PRKG1: variants seen among roughly 807,000 people sequenced by gnomAD.
PRKG1 encodes the protein protein kinase cGMP-dependent 1.
In PRKG1, 35 loss-of-function variants were observed where a neutral mutation model predicts 88.1. The observed-to-expected ratio is 0.40, with a 90% CI of 0.30 to 0.53. PRKG1 has a LOEUF of 0.53. Among genes scored for constraint, PRKG1 ranks in the 20% least tolerant of loss-of-function variants. The probability of loss-of-function intolerance (pLI) is 0.59; values close to 1 mark genes in which losing one functional copy is unlikely to be tolerated. For missense variants in PRKG1, 540 were observed against 839.8 expected (o/e 0.64, Z 4.41); for synonymous variants, 303 against 292.5 (o/e 1.04, Z -0.37).
At chr10:51,817,983 T>C (rs1437910208) in intron 4 of PRKG1, among the ~76,000 whole-genome samples, 1 of 152,172 alleles carries the variant, frequency 6.6e-6, no homozygotes, top group African/African-American at 2.4e-5. Flanking sequence ...ACTGGTATAT[T>C]CTGCTATGTT....
chr10:52,227,946 C>G (rs1257017794), intron 9 of PRKG1, among the ~76,000 whole-genome samples: 1 of 152,134 alleles, frequency 6.6e-6, no homozygotes, highest in Non-Finnish European at 1.5e-5. Context: ...AATTTCAGAT[C>G]TCTTTCCCTT....
chr10:51,893,666 C>T (rs1000856371), intron 4 of PRKG1, among the ~76,000 whole-genome samples: 8 of 152,208 alleles, frequency 5.3e-5, no homozygotes, highest in East Asian at 1.9e-4. Context: ...AGCTAAATGA[C>T]GTGTTCCTTT....
chr10:51,777,172 G>A (rs1402831450), intron 3 of PRKG1, among the ~76,000 whole-genome samples: 2 of 152,046 alleles, frequency 1.3e-5, no homozygotes, highest in African/African-American at 4.8e-5. Context: ...ATAAGTACCT[G>A]TTTGGTGTCT....
intron 4 of PRKG1, among the ~76,000 whole-genome samples, chr10:51,833,706 A>G (rs1840059501): frequency 6.6e-6 from 1 of 152,194 alleles, no homozygotes; most frequent in Non-Finnish European, 1.5e-5. Context: ...TGAGAACATT[A>G]AAAATTAACT....
At chr10:51,356,388 G>A (rs1484478950) in intron 2 of PRKG1, among the ~76,000 whole-genome samples, 1 of 151,964 alleles carries the variant, frequency 6.6e-6, no homozygotes, top group Non-Finnish European at 1.5e-5. Context: ...CTTACATTTT[G>A]CACTCAAAGA....
At chr10:52,108,668 T>C (rs933940493) in intron 7 of PRKG1, among the ~76,000 whole-genome samples, 1 of 152,224 alleles carries the variant, frequency 6.6e-6, no homozygotes, top group African/African-American at 2.4e-5. Flanking sequence ...CACTGGTTCA[T>C]TCTACAGCTT....
In PRKG1 at chr10:51,793,891, A is replaced by G. The variant is rs559688061; in HGVS notation, c.593-10694A>G. On this transcript the variant is annotated intron_variant, in intron 3 of 17. Coordinates refer to ENST00000373980, the MANE Select transcript of PRKG1 (RefSeq NM_006258.4). ...ATTCTCCTGCCTCAGCCTCCCAAGCAGGTGGGATTACAGGCATAAGCCAAC... is the reference window on the plus strand; with the variant it reads ...ATTCTCCTGCCTCAGCCTCCCAAGCGGGTGGGATTACAGGCATAAGCCAAC... 2.6e-5 allele frequency among the ~76,000 whole-genome samples: 4 copies of G among 152,176 alleles called. No individual in the cohort carries two copies. The South Asian group carries it at 8.3e-4, about 32-fold the overall frequency.
At position 51,614,897 on chromosome 10, in the gene PRKG1, G is replaced by A. The variant is rs191301769; in HGVS notation, c.592+147061G>A. 6.3e-3 allele frequency among the ~76,000 whole-genome samples: 952 copies of A among 151,978 alleles called. 6 individuals are homozygous for A. Among genetic ancestry groups the A allele is most frequent in the Non-Finnish European group, 7.5e-3 (509 of 67,880 alleles). On this transcript the variant is annotated intron_variant, in intron 3 of 17. Coordinates refer to ENST00000373980, the MANE Select transcript of PRKG1 (RefSeq NM_006258.4). ...TTTCTGATTATAGTATTCTTGGCTA[G>A]CAGTATTTTTTTCTCTTTCATCTTT...
Position 51,673,500 on chromosome 10 carries a change from AAGG to A in PRKG1, c.593-131084_593-131082del, listed in dbSNP as rs1425613485. Among the ~76,000 whole-genome samples, 6 of 152,268 alleles carry A rather than the reference AAGG, an allele frequency of 3.9e-5. No homozygotes were observed. In the South Asian group the frequency reaches 6.2e-4, roughly 16 times the overall value. On this transcript the variant is annotated intron_variant, in intron 3 of 17. Transcript: ENST00000373980. Reference sequence around the variant, plus strand: ...GAGTGTGGTAGTGAGGAGTTTCAGTAAGGGGAAAATCATGAAGGATCTTGTGAA... The same window carrying A: ...GAGTGTGGTAGTGAGGAGTTTCAGTAGGAAAATCATGAAGGATCTTGTGAA...
At chr10:51,497,675 G>A (rs1052053272) in intron 3 of PRKG1, among the ~76,000 whole-genome samples, 3 of 152,182 alleles carry the variant, frequency 2.0e-5, no homozygotes, top group Admixed American at 6.5e-5. Flanking sequence ...ATAGATTAGA[G>A]ATCAGGTAGG....
At chr10:51,587,857 T>C (rs1006068941) in intron 3 of PRKG1, among the ~76,000 whole-genome samples, 3 of 152,196 alleles carry the variant, frequency 2.0e-5, no homozygotes, top group Admixed American at 6.6e-5. Context: ...GTTTTGGGAT[T>C]ATGTAAGAGA....
chr10:51,432,637 G>T (rs989034022), intron 2 of PRKG1, among the ~76,000 whole-genome samples: 3 of 152,120 alleles, frequency 2.0e-5, no homozygotes, highest in Non-Finnish European at 1.5e-5. Flanking sequence ...GGGAAGAAAA[G>T]GTCTACCAGG....
At chr10:51,862,338 G>T (rs1564681206) in intron 4 of PRKG1, among the ~76,000 whole-genome samples, 1 of 152,142 alleles carries the variant, frequency 6.6e-6, no homozygotes, top group Non-Finnish European at 1.5e-5. Flanking sequence ...CAAGTGGGAG[G>T]GAGGGTTACA....
intron 1 of PRKG1, among the ~76,000 whole-genome samples, chr10:50,994,965 T>A (rs776681266): frequency 1.2e-4 from 19 of 152,238 alleles, no homozygotes; most frequent in Admixed American, 2.6e-4. Flanking sequence ...AAAGGATGTG[T>A]GTAGGTTTTA....
intron 5 of PRKG1, among the ~76,000 whole-genome samples, chr10:51,932,001 T>C (rs1470840495): frequency 6.6e-6 from 1 of 152,176 alleles, no homozygotes; most frequent in Non-Finnish European, 1.5e-5. Context: ...AGTTTTTCTC[T>C]GTAGAAAGCA....
At chr10:51,176,871 G>A (rs1837208051) in intron 2 of PRKG1, among the ~76,000 whole-genome samples, 1 of 152,108 alleles carries the variant, frequency 6.6e-6, no homozygotes, top group African/African-American at 2.4e-5. Flanking sequence ...AAGTCTTTGT[G>A]TTCTCCAGAT....
intron 1 of PRKG1, among the ~76,000 whole-genome samples, chr10:51,143,679 G>A (rs1285440553): frequency 6.6e-6 from 1 of 152,108 alleles, no homozygotes; most frequent in Middle Eastern, 3.4e-3. Flanking sequence ...CAGGTGTAAG[G>A]TTAGATCTCA....
chr10:51,410,539 A>G (rs1838056222), intron 2 of PRKG1, among the ~76,000 whole-genome samples: 1 of 152,074 alleles, frequency 6.6e-6, no homozygotes, highest in Non-Finnish European at 1.5e-5. Flanking sequence ...CACCCAGATT[A>G]AGGGTGGATC....
chr10:51,434,154 G>T (rs910974328), intron 2 of PRKG1, among the ~76,000 whole-genome samples: 4 of 152,068 alleles, frequency 2.6e-5, no homozygotes, highest in African/African-American at 9.7e-5. Context: ...CCTGGCTGCT[G>T]AAATTCACAG....
Sources: allele counts gnomAD v4.1 joint callset (sites outside exome capture counted in the v4.1 genomes callset), GRCh38; gene constraint gnomAD v4.1.1; transcripts MANE v1.5; gene names NCBI Gene and HGNC (gene_info 2026-07-23, HGNC 2026-07-21).